The following CRTAC1 variants were observed in gnomAD, a reference collection of about 807,000 sequenced individuals.
CRTAC1 encodes cartilage acidic protein 1, also known as acidic secreted protein in cartilage.
In CRTAC1, 37 loss-of-function variants were observed where a neutral mutation model predicts 67.8. The ratio of observed to expected loss-of-function variants is 0.55; its 90% CI spans 0.42 to 0.72. The LOEUF is 0.72. Ranked by LOEUF, CRTAC1 falls within the 30% of genes least tolerant of loss-of-function variation. The pLI is 0.00. For synonymous variants in CRTAC1, 348 were observed against 371.0 expected (o/e 0.94, Z 0.71); for missense variants, 780 against 931.6 (o/e 0.84, Z 2.12).
At chr10:97,922,603 G>A (rs3793703) in intron 4 of CRTAC1, among the ~76,000 whole-genome samples, 101,531 of 152,180 alleles carry the variant, frequency 0.67, 35,192 homozygotes, top group East Asian at 0.83. Context: ...ACCTAAGCCT[G>A]GGTGGGCGGC....
intron 2 of CRTAC1, among the ~76,000 whole-genome samples, chr10:98,007,263 G>T (rs1842808424): frequency 6.6e-6 from 1 of 152,158 alleles, no homozygotes; most frequent in Non-Finnish European, 1.5e-5. Context: ...TACTATAGGT[G>T]TGGTCTTATT....
intron 1 of CRTAC1, among the ~76,000 whole-genome samples, chr10:98,027,983 C>T (rs1329658898): frequency 6.6e-6 from 1 of 152,214 alleles, no homozygotes; most frequent in Admixed American, 6.5e-5. Context: ...ATTAAATGTG[C>T]ATGTGAGTGT....
chr10:97,997,899 G>A (rs776489212), intron 2 of CRTAC1, among the ~76,000 whole-genome samples: 59 of 152,176 alleles, frequency 3.9e-4, no homozygotes, highest in Non-Finnish European at 4.3e-4. Flanking sequence ...TAAGAAACTT[G>A]GAGACTAGAA....
rs144655214 is a variant in CRTAC1, at chr10:97,924,864, T to A, written c.422-1464A>T. ...TGGGTGTGTGTGAGGGTGGGAAGTA[T>A]GTGAGTGTGAGCATGAGCGAGAGTG... On this transcript the variant is annotated intron_variant, in intron 3 of 14. Coordinates refer to ENST00000370597, the MANE Select transcript of CRTAC1 (RefSeq NM_018058.7). 7.9e-4 allele frequency among the ~76,000 whole-genome samples: 120 copies of A among 152,070 alleles called. 1 individual carries two copies. Among genetic ancestry groups the A allele is most frequent in the Non-Finnish European group, 1.4e-3 (92 of 67,974 alleles).
At chr10:97,901,410 A>G (rs1489801811) in intron 8 of CRTAC1, 93 bp downstream of exon 8, 1 of 1,521,772 alleles carries the variant, frequency 6.6e-7, no homozygotes, top group Non-Finnish European at 9.0e-7. Flanking sequence ...GGCCCTGGGA[A>G]CCCTCCCCTT....
At chr10:97,965,290 A>C (rs1187097744) in intron 2 of CRTAC1, among the ~76,000 whole-genome samples, 1 of 152,216 alleles carries the variant, frequency 6.6e-6, no homozygotes, top group Non-Finnish European at 1.5e-5. Context: ...GCCTTTAAAC[A>C]CTTAATTCAC....
rs960300056 is a variant in CRTAC1, at chr10:97,975,816, G to A, written c.224+35322C>T. On this transcript the variant is annotated intron_variant, in intron 2 of 14. Coordinates refer to ENST00000370597, the MANE Select transcript of CRTAC1 (RefSeq NM_018058.7). The surrounding 1 kb of genome is among the most constrained non-coding windows in gnomAD (Gnocchi z 4.8). ...CCTCTCCACCTGCCAGGGAAGCTAC[G>A]CACACTCGGTGAGCGTGCTCCTGGG... Among the ~76,000 whole-genome samples, 3 of 152,184 alleles carry A rather than the reference G, an allele frequency of 2.0e-5. No individual in the cohort carries two copies. Among genetic ancestry groups the A allele is most frequent in the African/African-American group, 4.8e-5 (2 of 41,446 alleles).
chr10:98,016,520 C>T (rs1002006801), intron 1 of CRTAC1, among the ~76,000 whole-genome samples: 3 of 152,096 alleles, frequency 2.0e-5, no homozygotes, highest in African/African-American at 7.2e-5. Context: ...TCCCTGAGAG[C>T]CTGCATTCCC....
Position 97,865,407 on chromosome 10 carries a change from T to C in CRTAC1, c.*141A>G. 1 of 1,017,348 alleles carries C rather than the reference T, an allele frequency of 9.8e-7. No individual in the cohort carries two copies. The highest frequency in any genetic ancestry group is 1.4e-6 in the Non-Finnish European group (1 of 718,404). 63.0% of individuals were successfully genotyped at this position (1,017,348 alleles called of 1,614,324 possible). ...CTGGCCTTACGAGTCTCCCTAATTG[T>C]TAGCTAAGTAATGTGCATGGATGGG... On this transcript the variant is annotated 3_prime_UTR_variant, in exon 15 of 15. Transcript: ENST00000370597.
At chr10:97,924,317 G>A (rs2050882984) in intron 3 of CRTAC1, among the ~76,000 whole-genome samples, 1 of 152,184 alleles carries the variant, frequency 6.6e-6, no homozygotes, top group Non-Finnish European at 1.5e-5. Flanking sequence ...TAGTTTAGGG[G>A]GGTCCTCGTT....
At chr10:97,897,057 T>C in intron 8 of CRTAC1, 66 bp from the exon 9 acceptor site, 4 of 1,178,604 alleles carry the variant, frequency 3.4e-6, no homozygotes, top group Non-Finnish European at 4.9e-6. Flanking sequence ...AAGGCCCACC[T>C]GCTCCATTCT....
At chr10:97,972,885 T>C (rs1233062744) in intron 2 of CRTAC1, among the ~76,000 whole-genome samples, 1 of 152,202 alleles carries the variant, frequency 6.6e-6, no homozygotes, top group African/African-American at 2.4e-5. Flanking sequence ...AAGACATTGA[T>C]GGAATTCCAA....
intron 2 of CRTAC1, among the ~76,000 whole-genome samples, chr10:97,946,478 A>G (rs1360869587): frequency 6.6e-6 from 1 of 152,142 alleles, no homozygotes; most frequent in Non-Finnish European, 1.5e-5. Context: ...CTCAGTTTGC[A>G]TGTAAAAAAC....
At chr10:97,887,909 G>A (rs772317573) in intron 11 of CRTAC1, among the ~76,000 whole-genome samples, 3 of 152,264 alleles carry the variant, frequency 2.0e-5, no homozygotes, top group Admixed American at 6.5e-5. Flanking sequence ...CACTGACAGC[G>A]TGCCCCAAGC....
intron 2 of CRTAC1, among the ~76,000 whole-genome samples, chr10:97,947,994 A>G (rs1449806766): frequency 1.3e-5 from 2 of 152,154 alleles, no homozygotes; most frequent in Non-Finnish European, 2.9e-5. Flanking sequence ...TTATGTCAAA[A>G]CAATGTTTTG....
chr10:97,941,104 G>A (rs2051168148), intron 2 of CRTAC1, among the ~76,000 whole-genome samples: 1 of 148,710 alleles, frequency 6.7e-6, no homozygotes, highest in African/African-American at 2.5e-5. Flanking sequence ...TACCATCATC[G>A]GTGGCTTTTA....
At chr10:97,874,604 C>A (rs960004249) in intron 14 of CRTAC1, among the ~76,000 whole-genome samples, 1 of 152,146 alleles carries the variant, frequency 6.6e-6, no homozygotes, top group Non-Finnish European at 1.5e-5. Flanking sequence ...TGGCACTGAA[C>A]GGGCCCGGGG....
intron 2 of CRTAC1, among the ~76,000 whole-genome samples, chr10:97,944,848 A>G (rs909468761): frequency 3.3e-5 from 5 of 152,212 alleles, no homozygotes; most frequent in African/African-American, 1.2e-4. Context: ...CCCTATGGAG[A>G]GGCCATGTGA....
chr10:98,027,575 A>G (rs1843263314), intron 1 of CRTAC1, among the ~76,000 whole-genome samples: 1 of 152,148 alleles, frequency 6.6e-6, no homozygotes, highest in Admixed American at 6.5e-5. Context: ...CACAGACTGA[A>G]ACCTGGACTT....
Sources: gnomAD v4.1 joint callset for allele counts (sites outside exome capture counted in the v4.1 genomes callset) on GRCh38, gnomAD v4.1.1 for gene constraint, Gnocchi (gnomAD v3.1) non-coding constraint, MANE v1.5 for transcripts, NCBI Gene and HGNC (gene_info 2026-07-23, HGNC 2026-07-21) for gene names.